SHISA9: variants seen among roughly 807,000 people sequenced by gnomAD.
The protein encoded by SHISA9 is shisa family member 9.
A neutral mutation model predicts 38.0 loss-of-function variants in SHISA9; 13 were observed. That is an observed-to-expected ratio of 0.34 (90% confidence interval 0.22 to 0.54). The LOEUF is 0.54. Among genes scored for constraint, SHISA9 ranks in the 20% least tolerant of loss-of-function variants. The probability of loss-of-function intolerance (pLI) is 0.91; values close to 1 mark genes in which losing one functional copy is unlikely to be tolerated. For missense variants in SHISA9, 538 were observed against 575.8 expected (o/e 0.93, Z 0.67); for synonymous variants, 275 against 242.0 (o/e 1.14, Z -1.27).
intron 2 of SHISA9, among the ~76,000 whole-genome samples, chr16:13,093,448 C>G (rs1278409908): frequency 6.6e-6 from 1 of 152,086 alleles, no homozygotes; most frequent in Non-Finnish European, 1.5e-5. Context: ...ACAAAGGGTC[C>G]ATACAAGAGG....
At chr16:13,371,681 C>T in the SHISA9 span, among the ~76,000 whole-genome samples, 1 of 152,242 alleles carries the variant, frequency 6.6e-6, no homozygotes, top group Non-Finnish European at 1.5e-5. Context: ...CCTCACCTGA[C>T]ATCTGAATAC....
intron 2 of SHISA9, among the ~76,000 whole-genome samples, chr16:13,168,358 C>T (rs1038172683): frequency 1.3e-5 from 2 of 152,252 alleles, no homozygotes; most frequent in African/African-American, 4.8e-5. Context: ...CACACATGGG[C>T]AGCCATCTCC....
At chr16:13,012,251 T>A (rs1316034312) in intron 2 of SHISA9, among the ~76,000 whole-genome samples, 2 of 152,150 alleles carry the variant, frequency 1.3e-5, no homozygotes, top group East Asian at 3.9e-4. Flanking sequence ...CAGAATAATA[T>A]TATAGAGAGT....
intron 2 of SHISA9, among the ~76,000 whole-genome samples, chr16:12,995,920 C>T (rs950344390): frequency 3.9e-5 from 6 of 152,164 alleles, no homozygotes; most frequent in South Asian, 2.1e-4. Flanking sequence ...GACATACCCA[C>T]GGCTCTGATG....
chr16:13,130,978 G>A (rs542036820), intron 2 of SHISA9, among the ~76,000 whole-genome samples: 1 of 152,316 alleles, frequency 6.6e-6, no homozygotes, highest in Non-Finnish European at 1.5e-5. Flanking sequence ...TACTGATGAG[G>A]TTGTGGAGAA....
chr16:13,325,373 C>T, the SHISA9 span, among the ~76,000 whole-genome samples: 2 of 152,168 alleles, frequency 1.3e-5, no homozygotes, highest in Non-Finnish European at 2.9e-5. Flanking sequence ...CCAGTTGTGC[C>T]TAAACTCCAA....
the SHISA9 span, among the ~76,000 whole-genome samples, chr16:13,418,848 A>G: frequency 6.6e-6 from 1 of 152,236 alleles, no homozygotes; most frequent in East Asian, 1.9e-4. Context: ...CTCAGGCAGA[A>G]TAAACAACAC....
At chr16:13,164,130 T>C (rs976038563) in intron 2 of SHISA9, among the ~76,000 whole-genome samples, 1 of 152,074 alleles carries the variant, frequency 6.6e-6, no homozygotes, top group African/African-American at 2.4e-5. Context: ...TTTTCATAGA[T>C]GTCCGTTATC....
intron 2 of SHISA9, among the ~76,000 whole-genome samples, chr16:13,032,611 ACTG>A (rs2073005331): frequency 6.6e-6 from 1 of 152,220 alleles, no homozygotes; most frequent in Non-Finnish European, 1.5e-5. Context: ...AGCAGAACTG[ACTG>A]TGTAATGAAG....
intron 2 of SHISA9, among the ~76,000 whole-genome samples, chr16:13,092,903 C>T (rs2073789992): frequency 6.6e-6 from 1 of 152,228 alleles, no homozygotes; most frequent in Admixed American, 6.5e-5. Flanking sequence ...TCTTCTGCGT[C>T]TGTCATGCTG....
the SHISA9 span, among the ~76,000 whole-genome samples, chr16:13,312,994 G>T: frequency 7.9e-5 from 12 of 151,972 alleles, no homozygotes; most frequent in African/African-American, 2.9e-4. Flanking sequence ...GGTGGCTCAC[G>T]CCTGTAATCC....
the SHISA9 span, among the ~76,000 whole-genome samples, chr16:13,281,616 T>G: frequency 6.6e-6 from 1 of 151,414 alleles, no homozygotes; most frequent in Non-Finnish European, 1.5e-5. Context: ...TTTTAGCAAT[T>G]TATTATATTT....
chr16:13,382,068 C>T, the SHISA9 span, among the ~76,000 whole-genome samples: 201 of 152,116 alleles, frequency 1.3e-3, no homozygotes, highest in African/African-American at 4.7e-3. Flanking sequence ...TAATCAGGGA[C>T]GGTATGGGTA....
At chr16:12,985,532 G>T (rs905059) in intron 2 of SHISA9, among the ~76,000 whole-genome samples, 43,916 of 151,992 alleles carry the variant, frequency 0.29, 6,558 homozygotes, top group Middle Eastern at 0.34. Flanking sequence ...TGTTACCATT[G>T]GGCACTGAAG....
chr16:13,260,796 C>T, the SHISA9 span, among the ~76,000 whole-genome samples: 2 of 152,162 alleles, frequency 1.3e-5, no homozygotes, highest in Non-Finnish European at 2.9e-5. Context: ...CCCCCCTTTA[C>T]TGGTACCAAT....
At chr16:13,088,019 C>T (rs2073732645) in intron 2 of SHISA9, among the ~76,000 whole-genome samples, 1 of 152,134 alleles carries the variant, frequency 6.6e-6, no homozygotes, top group Admixed American at 6.5e-5. Context: ...GGAAGGGATC[C>T]AGTTTCAGCT....
downstream of SHISA9, among the ~76,000 whole-genome samples, chr16:13,243,206 C>G (rs1331801464): frequency 1.6e-4 from 25 of 151,684 alleles, no homozygotes; most frequent in Non-Finnish European, 4.4e-5. Flanking sequence ...CGCCACTGCA[C>G]TCCAACCCTG....
the SHISA9 span, among the ~76,000 whole-genome samples, chr16:13,265,120 C>T: frequency 9.3e-6 from 1 of 107,050 alleles, no homozygotes; most frequent in Admixed American, 9.3e-5. Flanking sequence ...CCCTCCCTTC[C>T]TGTTCCCCTC....
At chr16:13,141,690 A>G (rs887632216) in intron 2 of SHISA9, among the ~76,000 whole-genome samples, 3 of 152,122 alleles carry the variant, frequency 2.0e-5, no homozygotes, top group African/African-American at 7.2e-5. Context: ...TCAAATATAT[A>G]TATATAATAA....
Sources: allele counts gnomAD v4.1 joint callset (sites outside exome capture counted in the v4.1 genomes callset), GRCh38; gene constraint gnomAD v4.1.1; transcripts MANE v1.5; gene names NCBI Gene and HGNC (gene_info 2026-07-23, HGNC 2026-07-21).